NRXN1: variants seen among roughly 807,000 people sequenced by gnomAD.
The protein encoded by NRXN1 is neurexin 1.
Under a neutral mutation model 150.9 loss-of-function variants are expected in NRXN1, and 39 were observed. The ratio of observed to expected loss-of-function variants is 0.26; its 90% CI spans 0.20 to 0.34. The LOEUF is 0.34. Ranked by LOEUF, NRXN1 falls within the 10% of genes least tolerant of loss-of-function variation. NRXN1 has a pLI of 1.00. For synonymous variants in NRXN1, 924 were observed against 757.0 expected (o/e 1.22, Z -3.62); for missense variants, 1,815 against 1,949.9 (o/e 0.93, Z 1.30).
chr2:50,473,469 A>G (rs1304679474), intron 15 of NRXN1, among the ~76,000 whole-genome samples: 1 of 152,064 alleles, frequency 6.6e-6, no homozygotes, highest in Non-Finnish European at 1.5e-5. Flanking sequence ...ACTTTAGTAA[A>G]CATTTAATCA....
intron 17 of NRXN1, among the ~76,000 whole-genome samples, chr2:50,280,021 G>T (rs2071199416): frequency 1.3e-5 from 2 of 152,152 alleles, no homozygotes; most frequent in Admixed American, 6.5e-5. Context: ...ATTAACGCCT[G>T]TAATCCCAGC....
intron 9 of NRXN1, among the ~76,000 whole-genome samples, chr2:50,550,935 C>A (rs12052959): frequency 0.28 from 42,531 of 151,358 alleles, 6,378 homozygotes; most frequent in East Asian, 0.51. Flanking sequence ...CCTGCCTTGG[C>A]CTCCCAAAGT....
chr2:50,986,301 G>T (rs1302143094), intron 2 of NRXN1, among the ~76,000 whole-genome samples: 2 of 151,556 alleles, frequency 1.3e-5, no homozygotes, highest in Non-Finnish European at 3.0e-5. Context: ...TTGCTCTTGG[G>T]AATTTCATTT....
chr2:50,493,222 A>T (rs941204903), intron 15 of NRXN1, among the ~76,000 whole-genome samples: 1 of 152,190 alleles, frequency 6.6e-6, no homozygotes, highest in Admixed American at 6.5e-5. Context: ...ACTGCTGTCC[A>T]TGTCTGAGCG....
At chr2:50,290,083 T>C (rs956632663) in intron 17 of NRXN1, among the ~76,000 whole-genome samples, 4 of 152,130 alleles carry the variant, frequency 2.6e-5, no homozygotes, top group African/African-American at 9.7e-5. Context: ...GAATAAACGA[T>C]ACCAGACATT....
At chr2:49,944,369 C>A (rs1046326346) in intron 21 of NRXN1, among the ~76,000 whole-genome samples, 19 of 152,284 alleles carry the variant, frequency 1.2e-4, no homozygotes, top group Non-Finnish European at 1.3e-4. Flanking sequence ...TATGATTTCA[C>A]ACTTGAAGCT....
intron 5 of NRXN1, among the ~76,000 whole-genome samples, chr2:50,750,263 AT>A (rs1041090542): frequency 1.3e-5 from 2 of 151,808 alleles, no homozygotes; most frequent in Non-Finnish European, 2.9e-5. Context: ...ACCTGTAGTC[AT>A]TTTTTTCATT....
chr2:50,134,034 C>A (rs1287757095), intron 18 of NRXN1, among the ~76,000 whole-genome samples: 1 of 152,080 alleles, frequency 6.6e-6, no homozygotes, highest in Non-Finnish European at 1.5e-5. Context: ...AACATGCCAT[C>A]TGATTGAACA....
At chr2:50,086,159 A>G (rs1322194272) in intron 19 of NRXN1, among the ~76,000 whole-genome samples, 12 of 152,180 alleles carry the variant, frequency 7.9e-5, no homozygotes, top group Non-Finnish European at 1.5e-5. Flanking sequence ...ACTTTGAAAA[A>G]TTAAATTAAA....
chr2:50,538,678 C>A, intron 9 of NRXN1, 42 bp from the exon 10 acceptor site: 1 of 1,399,390 alleles, frequency 7.1e-7, no homozygotes, highest in Non-Finnish European at 9.4e-7. Context: ...TTAAAAAGCA[C>A]CAACGTGTTA....
intron 5 of NRXN1, among the ~76,000 whole-genome samples, chr2:50,723,026 G>A (rs186604046): frequency 8.5e-5 from 13 of 152,114 alleles, no homozygotes; most frequent in African/African-American, 3.1e-4. Context: ...AGATCACTTC[G>A]CTGTGTATTG....
At chr2:49,997,424 T>C (rs903419109) in intron 21 of NRXN1, among the ~76,000 whole-genome samples, 1 of 152,194 alleles carries the variant, frequency 6.6e-6, no homozygotes, top group African/African-American at 2.4e-5. Context: ...TGTGATTACC[T>C]ATAGGCAAGG....
At chr2:50,833,801 T>C (rs368532939) in intron 5 of NRXN1, among the ~76,000 whole-genome samples, 7 of 152,288 alleles carry the variant, frequency 4.6e-5, no homozygotes, top group African/African-American at 1.7e-4. Flanking sequence ...TTCTTATATG[T>C]TAATTTAAAA....
At chr2:50,884,824 A>G (rs13019472) in intron 5 of NRXN1, among the ~76,000 whole-genome samples, 4 of 122,430 alleles carry the variant, frequency 3.3e-5, no homozygotes, top group African/African-American at 1.1e-4. Flanking sequence ...ACTGTTTTTT[A>G]AAAAAAAAAT....
chr2:50,120,658 C>T (rs1027971827), intron 18 of NRXN1, among the ~76,000 whole-genome samples: 3 of 151,850 alleles, frequency 2.0e-5, no homozygotes, highest in African/African-American at 7.3e-5. Context: ...AGTCATTGAC[C>T]TTTACTGATT....
intron 5 of NRXN1, among the ~76,000 whole-genome samples, chr2:50,848,966 T>A (rs1366131042): frequency 6.6e-6 from 1 of 152,192 alleles, no homozygotes; most frequent in Non-Finnish European, 1.5e-5. Context: ...ATTCCCCACA[T>A]ACAGCGCCTT....
At chr2:50,578,487 T>G (rs563636556) in intron 8 of NRXN1, among the ~76,000 whole-genome samples, 1 of 152,294 alleles carries the variant, frequency 6.6e-6, no homozygotes, top group South Asian at 2.1e-4. Flanking sequence ...CATTACTCAC[T>G]TTCCCTGAAT....
intron 18 of NRXN1, among the ~76,000 whole-genome samples, chr2:50,131,852 T>C (rs548795560): frequency 6.6e-6 from 1 of 152,282 alleles, no homozygotes; most frequent in African/African-American, 2.4e-5. Flanking sequence ...GTAGTGGTTA[T>C]CCTACTGTCA....
At chr2:50,935,628 G>A (rs1302998021) in intron 2 of NRXN1, among the ~76,000 whole-genome samples, 1 of 152,130 alleles carries the variant, frequency 6.6e-6, no homozygotes, top group Non-Finnish European at 1.5e-5. Context: ...TCAGGAGGCT[G>A]AGGCCGGATA....
Sources: gnomAD v4.1 joint callset for allele counts (sites outside exome capture counted in the v4.1 genomes callset) on GRCh38, gnomAD v4.1.1 for gene constraint, MANE v1.5 for transcripts, NCBI Gene and HGNC (gene_info 2026-07-23, HGNC 2026-07-21) for gene names.